The following TMEM94 variants were observed in gnomAD, a reference collection of about 807,000 sequenced individuals.
TMEM94 encodes ER Mg2+ ATPase.
A neutral mutation model predicts 158.6 loss-of-function variants in TMEM94; 81 were observed. That is an observed-to-expected ratio of 0.51 (90% CI 0.43 to 0.61). The LOEUF is 0.61. Among genes scored for constraint, TMEM94 ranks in the 20% least tolerant of loss-of-function variants. TMEM94 has a pLI of 0.00. For missense variants in TMEM94, 1,435 were observed against 1,762.0 expected (o/e 0.81, Z 3.32); for synonymous variants, 751 against 730.7 (o/e 1.03, Z -0.45).
rs149451563 is a variant in TMEM94 at position 75,498,048 on chromosome 17, TG to T, written c.3490-123del. On this transcript the variant is annotated intron_variant, in intron 27 of 31. Transcript: ENST00000314256. This position sits in a 1 kb window ranked among gnomAD's most constrained non-coding sequence, Gnocchi z 6.7. ...GCACAGAGCTGGGAAAGACCCTTGC[TG>T]GGGCTTGAGCTCCCTATCCCCCCAG... 2.6e-3 allele frequency: 3,494 copies of T among 1,324,608 alleles called. 121 individuals are homozygous for T. The East Asian group carries it at 0.072, about 27-fold the overall frequency. The allele number at this position is 1,324,608 out of a possible 1,614,324, so 82.1% of individuals were successfully genotyped here. A position where few individuals can be genotyped will look rare whatever the true frequency, so the allele number is the denominator to read the frequency against.
chr17:75,498,522 G>C lies in TMEM94; in HGVS notation c.3717G>C (p.Leu1239=), dbSNP rs1302729430. 1.2e-6 allele frequency: 2 copies of C among 1,607,344 alleles called. No homozygotes were observed. The highest frequency in any genetic ancestry group is 2.7e-5 in the African/African-American group (2 of 74,940). The change falls in exon 29 of 32, where the codon CTG becomes CTC. Residue 1239 remains leucine (L), a synonymous_variant. Coordinates refer to ENST00000314256, the MANE Select transcript of TMEM94 (RefSeq NM_014738.6). This position sits in a 1 kb window ranked among gnomAD's most constrained non-coding sequence, Gnocchi z 6.7. ...LLSAQKLTAA[L]IVLHTVFISI... ...CGGCTCAGAAGCTCACGGCCGCCCT[G>C]ATTGTCCTGCACACTGGTGAGAGGG...
At chr17:75,478,767 T>C (rs982150944) in intron 2 of TMEM94, among the ~76,000 whole-genome samples, 2 of 152,196 alleles carry the variant, frequency 1.3e-5, no homozygotes, top group Non-Finnish European at 2.9e-5. Flanking sequence ...GGAATGGGGT[T>C]TGTTCTGCCT....
chr17:75,481,972 G>A (rs60520383), intron 2 of TMEM94, among the ~76,000 whole-genome samples: 8,937 of 152,228 alleles, frequency 0.059, 843 homozygotes, highest in African/African-American at 0.2. Context: ...CACTTTAGCA[G>A]GCTGAGGAGG....
intron 10 of TMEM94, 74 bp from the exon 11 acceptor site, chr17:75,490,628 C>G (rs545058809): frequency 2.0e-4 from 271 of 1,383,544 alleles, no homozygotes; most frequent in Middle Eastern, 1.4e-3. Context: ...GTGGGCCCCC[C>G]CTCTGCCAGC....
At chr17:75,475,343 T>G (rs1213169174) in intron 2 of TMEM94, among the ~76,000 whole-genome samples, 1 of 152,204 alleles carries the variant, frequency 6.6e-6, no homozygotes, top group Non-Finnish European at 1.5e-5. Context: ...CTTGGGCTGC[T>G]GAGGCTCCTT....
Position 75,492,196 on chromosome 17 carries a change from C to G in TMEM94, c.1597-278C>G. The G allele has an allele frequency of 7.7e-7, 1 of 1,300,426 alleles. No individual in the cohort carries two copies. Among genetic ancestry groups the G allele is most frequent in the African/African-American group, 1.5e-5 (1 of 67,124 alleles). 80.6% of individuals were successfully genotyped at this position (1,300,426 alleles called of 1,614,324 possible). A position where few individuals can be genotyped will look rare whatever the true frequency, so the allele number is the denominator to read the frequency against. ...GAGATGTTCCCTGGCCACAGAAGAT[C>G]CCTCAACTGTGTCCTCTTTGGTCTG... On this transcript the variant is annotated intron_variant, in intron 14 of 31. Coordinates refer to ENST00000314256, the MANE Select transcript of TMEM94 (RefSeq NM_014738.6). The surrounding 1 kb of genome is among the most constrained non-coding windows in gnomAD (Gnocchi z 4.4).
At chr17:75,473,916 A>G (rs1598334768) in intron 2 of TMEM94, among the ~76,000 whole-genome samples, 1 of 152,010 alleles carries the variant, frequency 6.6e-6, no homozygotes, top group Admixed American at 6.6e-5. Flanking sequence ...GGAGTTCGAG[A>G]CCAGCCTGGC....
chr17:75,462,536 A>G (rs1333529467), intron 1 of TMEM94, among the ~76,000 whole-genome samples: 8 of 151,212 alleles, frequency 5.3e-5, no homozygotes, highest in East Asian at 3.9e-4. Flanking sequence ...AGCCTATTCC[A>G]TTTTTAAAAA....
chr17:75,496,143 C>T (rs1375865941), intron 23 of TMEM94, 69 bp downstream of exon 23: 11 of 1,508,132 alleles, frequency 7.3e-6, no homozygotes, highest in African/African-American at 1.4e-5. Flanking sequence ...GATGGGCCTG[C>T]GTGGGGCTGG....
At position 75,491,605 on chromosome 17, in the gene TMEM94, C is replaced by A. The variant is rs1598411322; in HGVS notation, c.1387-86C>A. The A allele has an allele frequency of 6.4e-7, 1 of 1,554,166 alleles. No individual in the cohort carries two copies. The highest frequency in any genetic ancestry group is 1.4e-5 in the African/African-American group (1 of 73,720). ...TGCTTCTGGGCAGGTGAGGTGAAGA[C>A]AAGGCAGCCAGGGGACCTAGAAGCA... On this transcript the variant is annotated intron_variant, in intron 13 of 31. Transcript: ENST00000314256. This position sits in a 1 kb window ranked among gnomAD's most constrained non-coding sequence, Gnocchi z 5.1.
chr17:75,498,497 C>G lies in TMEM94; in HGVS notation c.3692C>G (p.Ser1231Trp). Residue 1231 changes from serine (S) to tryptophan (W), a missense_variant, in exon 29 of 32, where the codon TCG (serine) becomes TGG (tryptophan). Physicochemically the swap from Ser to Trp is radical, Grantham distance 177 (BLOSUM62 -3). Transcript: ENST00000314256. The surrounding 1 kb of genome is among the most constrained non-coding windows in gnomAD (Gnocchi z 6.7). ...WFEDFANGLL[S>W]AQKLTAALIV... Reference sequence around the variant, plus strand: ...GAGGACTTTGCCAATGGACTGCTGTCGGCTCAGAAGCTCACGGCCGCCCTG... The same window carrying G: ...GAGGACTTTGCCAATGGACTGCTGTGGGCTCAGAAGCTCACGGCCGCCCTG... 6.3e-7 allele frequency: 1 copy of G among 1,594,780 alleles called. No individual in the cohort carries two copies. Among genetic ancestry groups the G allele is most frequent in the Non-Finnish European group, 8.6e-7 (1 of 1,169,478 alleles).
Position 75,490,846 on chromosome 17 carries a change from A to G in TMEM94, c.1128+88A>G, listed in dbSNP as rs1004896925. 2.0e-5 allele frequency: 26 copies of G among 1,302,546 alleles called. No individual in the cohort carries two copies. In the Admixed American group the frequency reaches 2.6e-4, roughly 13 times the overall value. 80.7% of individuals were successfully genotyped at this position (1,302,546 alleles called of 1,614,324 possible). A position where few individuals can be genotyped will look rare whatever the true frequency, so the allele number is the denominator to read the frequency against. Reference sequence around the variant, plus strand: ...CCTATTTATGGCCTTAAAGCCTCCAACCAGGCTCTTAGAGCCCCATGTCCA... The same window carrying G: ...CCTATTTATGGCCTTAAAGCCTCCAGCCAGGCTCTTAGAGCCCCATGTCCA... On this transcript the variant is annotated intron_variant, in intron 11 of 31. Coordinates refer to ENST00000314256, the MANE Select transcript of TMEM94 (RefSeq NM_014738.6).
chr17:75,495,051 G>C lies in TMEM94; in HGVS notation c.2728+17G>C, dbSNP rs1018596076. 2 of 1,610,734 alleles carry C rather than the reference G, an allele frequency of 1.2e-6. No individual in the cohort carries two copies. Among genetic ancestry groups the C allele is most frequent in the Admixed American group, 1.7e-5 (1 of 59,862 alleles). On this transcript the variant is annotated intron_variant, in intron 20 of 31. Coordinates refer to ENST00000314256, the MANE Select transcript of TMEM94 (RefSeq NM_014738.6). This position sits in a 1 kb window ranked among gnomAD's most constrained non-coding sequence, Gnocchi z 5.6. ...TGAATCAGGGTAAGGGCAAAGGCGT[G>C]GGGTGGGGACGGGGTGGCGGTGGGA... is the stretch of plus-strand genomic sequence containing the variant.
Position 75,490,114 on chromosome 17 carries a change from C to T in TMEM94, c.955-120C>T, listed in dbSNP as rs1046065534. On this transcript the variant is annotated intron_variant, in intron 9 of 31. Transcript: ENST00000314256. ...AAAAGAACACCTCTTTCCCTTCCTG[C>T]CCCTGAGAGAGCTGGCCCTTCCTGC... is the stretch of plus-strand genomic sequence containing the variant. 5 of 1,405,912 alleles carry T rather than the reference C, an allele frequency of 3.6e-6. No individual in the cohort carries two copies. The African/African-American group carries it at 7.2e-5, about 20-fold the overall frequency. 87.1% of individuals were successfully genotyped at this position (1,405,912 alleles called of 1,614,324 possible). A position where few individuals can be genotyped will look rare whatever the true frequency, so the allele number is the denominator to read the frequency against.
Position 75,474,513 on chromosome 17 carries a change from T to G in TMEM94, c.24+2584T>G, listed in dbSNP as rs571820874. 6.8e-4 allele frequency among the ~76,000 whole-genome samples: 103 copies of G among 152,210 alleles called. 1 individual carries two copies. The highest frequency in any genetic ancestry group is 5.9e-4 in the Non-Finnish European group (40 of 67,996). On this transcript the variant is annotated intron_variant, in intron 2 of 31. Coordinates refer to ENST00000314256, the MANE Select transcript of TMEM94 (RefSeq NM_014738.6). The stretch of plus-strand genomic sequence containing the variant: ...AAAATTAGCCAGGCATGATAGTGCA[T>G]GCCTGTAATCCCAGCTATTTGGGAG...
chr17:75,459,102 A>G (rs865848639), intron 1 of TMEM94, among the ~76,000 whole-genome samples: 1 of 149,678 alleles, frequency 6.7e-6, no homozygotes. Context: ...AATGTAGACT[A>G]TGGTGGTTAA....
chr17:75,491,679 C>A lies in TMEM94; in HGVS notation c.1387-12C>A. ...GCCACTGGTCCTAGCCTGTGCTCCT[C>A]ATTCTCTTCAGCCCCATGAACGAGA... On this transcript the variant is annotated splice_polypyrimidine_tract_variant and intron_variant, in intron 13 of 31. Transcript: ENST00000314256. The surrounding 1 kb of genome is among the most constrained non-coding windows in gnomAD (Gnocchi z 5.1). 6.2e-7 allele frequency: 1 copy of A among 1,613,768 alleles called. No individual in the cohort carries two copies. Among genetic ancestry groups the A allele is most frequent in the Non-Finnish European group, 8.5e-7 (1 of 1,179,816 alleles).
At position 75,474,494 on chromosome 17, in the gene TMEM94, A is replaced by G. The variant is rs567973383; in HGVS notation, c.24+2565A>G. ...TGTCTCTACTAAAAATACAAAAATT[A>G]GCCAGGCATGATAGTGCATGCCTGT... On this transcript the variant is annotated intron_variant, in intron 2 of 31. Transcript: ENST00000314256. 3.3e-5 allele frequency among the ~76,000 whole-genome samples: 5 copies of G among 152,214 alleles called. 1 individual carries two copies. Among genetic ancestry groups the G allele is most frequent in the Middle Eastern group, 3.4e-3 (1 of 294 alleles).
intron 2 of TMEM94, among the ~76,000 whole-genome samples, chr17:75,483,491 A>G (rs1490466691): frequency 1.4e-5 from 2 of 147,312 alleles, no homozygotes; most frequent in Non-Finnish European, 3.0e-5. Context: ...GACAGAGTCT[A>G]GCTCTGTCAC....
Sources: allele counts gnomAD v4.1 joint callset (sites outside exome capture counted in the v4.1 genomes callset), GRCh38; gene constraint gnomAD v4.1.1; non-coding constraint Gnocchi (gnomAD v3.1); transcripts MANE v1.5; gene names NCBI Gene and HGNC (gene_info 2026-07-23, HGNC 2026-07-21).